Variants in GPATCH2 observed in about 807,000 individuals in gnomAD.
GPATCH2 encodes the protein G-patch domain containing 2.
GPATCH2 carries 51 observed loss-of-function variants against 58.0 expected under a neutral mutation model. The observed-to-expected ratio is 0.88, with a 90% confidence interval of 0.70 to 1.11. The LOEUF is 1.11. Among genes scored for constraint, GPATCH2 ranks in the 50% most tolerant of loss-of-function variants. GPATCH2 has a pLI of 0.00. For synonymous variants in GPATCH2, 222 were observed against 218.5 expected (o/e 1.02, Z -0.14); for missense variants, 625 against 652.2 (o/e 0.96, Z 0.45).
chr1:217,610,372 A>T lies in GPATCH2; in HGVS notation c.1047T>A (p.His349Gln). Residue 349 changes from histidine to glutamine, a missense_variant, in exon 5 of 10, where the codon CAT (histidine) becomes CAA (glutamine). By Grantham distance (24) the His-to-Gln change is conservative. Transcript: ENST00000366935. ...TTTTAATATTCTTTGAAGACATTCCATGAAGGCGACTGAGTCTAGCTTGGA... is the reference window on the plus strand; with the variant it reads ...TTTTAATATTCTTTGAAGACATTCCTTGAAGGCGACTGAGTCTAGCTTGGA... ...RGFQARLSRL[H>Q]GMSSKNIKKS... The T allele has an allele frequency of 6.2e-7, 1 of 1,605,492 alleles. No individual in the cohort carries two copies. The highest frequency in any genetic ancestry group is 8.5e-7 in the Non-Finnish European group (1 of 1,172,786).
intron 8 of GPATCH2, among the ~76,000 whole-genome samples, chr1:217,476,116 CAAT>C (rs1305059331): frequency 2.0e-5 from 3 of 151,790 alleles, no homozygotes; most frequent in African/African-American, 7.3e-5. Flanking sequence ...AGAAACAAAA[CAAT>C]GATAACCAGA....
chr1:217,460,388 T>A (rs1177259732), intron 8 of GPATCH2, among the ~76,000 whole-genome samples: 1 of 152,242 alleles, frequency 6.6e-6, no homozygotes, highest in Non-Finnish European at 1.5e-5. Flanking sequence ...GGAAATACAT[T>A]TTTTAATTGA....
intron 5 of GPATCH2, among the ~76,000 whole-genome samples, chr1:217,531,399 C>G (rs547636398): frequency 6.6e-6 from 1 of 152,280 alleles, no homozygotes; most frequent in South Asian, 2.1e-4. Context: ...TTACAATAGT[C>G]ATAAAAATTC....
chr1:217,596,166 CACTT>C (rs112198232), intron 5 of GPATCH2, among the ~76,000 whole-genome samples: 5,225 of 152,098 alleles, frequency 0.034, 286 homozygotes, highest in African/African-American at 0.12. Flanking sequence ...AAATAAAACA[CACTT>C]ACAGTTCAAA....
rs1263420742 is a variant in GPATCH2 at position 217,427,330 on chromosome 1, T to C, written c.*3815A>G. 6.6e-6 allele frequency: 1 copy of C among 152,152 alleles called. No individual in the cohort carries two copies. Among genetic ancestry groups the C allele is most frequent in the African/African-American group, 2.4e-5 (1 of 41,448 alleles). The allele number at this position is 152,152 out of a possible 1,614,324, so 9.4% of individuals were successfully genotyped here. A position where few individuals can be genotyped will look rare whatever the true frequency, so the allele number is the denominator to read the frequency against. ...AATCGGCTATGAATACATTTGTGAA[T>C]CAAATACATTTACCAATATTTTTCT... is the stretch of plus-strand genomic sequence containing the variant. On this transcript the variant is annotated 3_prime_UTR_variant, in exon 10 of 10. Coordinates refer to ENST00000366935, the MANE Select transcript of GPATCH2 (RefSeq NM_018040.5).
intron 6 of GPATCH2, among the ~76,000 whole-genome samples, chr1:217,504,562 T>C (rs1662460564): frequency 1.3e-5 from 2 of 152,150 alleles, no homozygotes; most frequent in Admixed American, 6.6e-5. Context: ...AAGTGTTAGT[T>C]GTGTGCTGGT....
At chr1:217,615,355 T>C (rs1668831673) in intron 2 of GPATCH2, among the ~76,000 whole-genome samples, 1 of 152,126 alleles carries the variant, frequency 6.6e-6, no homozygotes, top group Non-Finnish European at 1.5e-5. Context: ...CTAGCTTTCT[T>C]CCAAATTAAG....
rs1255013419 is a variant in GPATCH2 at position 217,620,275 on chromosome 1, G to C, written c.281C>G (p.Ser94Cys). ...TGHCLSEGSD[S>C]SLEEPSKDYR... ...GTCCTTGCTTGGTTCTTCTAAACTA[G>C]AATCAGAGCCTTCACTTAAGCAGTG... Residue 94 changes from serine to cysteine, a missense_variant, in exon 2 of 10, where the codon TCT becomes TGT. Physicochemically the swap from Ser to Cys is moderately radical, Grantham distance 112. Transcript: ENST00000366935. The C allele has an allele frequency of 6.2e-7, 1 of 1,613,740 alleles. No individual in the cohort carries two copies. Among genetic ancestry groups the C allele is most frequent in the Non-Finnish European group, 8.5e-7 (1 of 1,179,858 alleles).
At chr1:217,523,918 C>T (rs1308133395) in intron 5 of GPATCH2, among the ~76,000 whole-genome samples, 2 of 112,650 alleles carry the variant, frequency 1.8e-5, no homozygotes, top group Admixed American at 1.7e-4. Flanking sequence ...CCACACCTCC[C>T]TCCCGGACGG....
chr1:217,498,364 GCT>G lies in GPATCH2; in HGVS notation c.1196_1197del (p.Glu399AlafsTer2). On this transcript the variant is annotated frameshift_variant, in exon 7 of 10. Coordinates refer to ENST00000366935, the MANE Select transcript of GPATCH2 (RefSeq NM_018040.5). LOFTEE classifies it high-confidence loss of function. ...ATTACAATGGTCCTTACCTGGTCATGCTCTGTCCTAGCCCCAGGGCTAAACCA... is the reference window on the plus strand; with the variant it reads ...ATTACAATGGTCCTTACCTGGTCATGCTGTCCTAGCCCCAGGGCTAAACCA... ...DHWFSPGART[E>X]HDQHQLLRDN... 6.2e-7 allele frequency: 1 copy of G among 1,612,116 alleles called. No individual in the cohort carries two copies. Among genetic ancestry groups the G allele is most frequent in the Non-Finnish European group, 8.5e-7 (1 of 1,178,126 alleles).
At chr1:217,520,062 T>A (rs186531790) in intron 5 of GPATCH2, among the ~76,000 whole-genome samples, 27 of 152,302 alleles carry the variant, frequency 1.8e-4, no homozygotes, top group Admixed American at 1.6e-3. Flanking sequence ...TAGATTTCTA[T>A]TAAAGTAAAA....
At chr1:217,461,632 T>G (rs1234843442) in intron 8 of GPATCH2, among the ~76,000 whole-genome samples, 2 of 152,186 alleles carry the variant, frequency 1.3e-5, no homozygotes, top group Non-Finnish European at 2.9e-5. Context: ...TGGTTCCAAT[T>G]TCTTTAATAT....
chr1:217,539,522 T>A (rs1348048855), intron 5 of GPATCH2, among the ~76,000 whole-genome samples: 1 of 152,210 alleles, frequency 6.6e-6, no homozygotes, highest in Admixed American at 6.5e-5. Context: ...ATAAATTTGG[T>A]CTCAGCACTC....
chr1:217,612,088 G>A (rs1284733895), intron 3 of GPATCH2, among the ~76,000 whole-genome samples: 1 of 152,058 alleles, frequency 6.6e-6, no homozygotes, highest in African/African-American at 2.4e-5. Flanking sequence ...TCTGAGGCAG[G>A]AGGATCCCTT....
Position 217,428,074 on chromosome 1 carries a change from T to C in GPATCH2, c.*3071A>G, listed in dbSNP as rs1416196300. 2 of 152,174 alleles carry C rather than the reference T, an allele frequency of 1.3e-5. No individual in the cohort carries two copies. Among genetic ancestry groups the C allele is most frequent in the Admixed American group, 6.5e-5 (1 of 15,278 alleles). The allele number at this position is 152,174 out of a possible 1,614,324, so 9.4% of individuals were successfully genotyped here. On this transcript the variant is annotated 3_prime_UTR_variant, in exon 10 of 10. Coordinates refer to ENST00000366935, the MANE Select transcript of GPATCH2 (RefSeq NM_018040.5). ...ATAAAAGTAACCAAATTAAATAGTG[T>C]ATTCGGGGAGCAGAAAAGAAGGAAA...
At chr1:217,466,269 C>A (rs1405937287) in intron 8 of GPATCH2, among the ~76,000 whole-genome samples, 1 of 142,962 alleles carries the variant, frequency 7.0e-6, no homozygotes. Context: ...TGAACTAAAA[C>A]TAAATAAAAC....
At chr1:217,550,790 TA>T (rs762306667) in intron 5 of GPATCH2, among the ~76,000 whole-genome samples, 2 of 151,656 alleles carry the variant, frequency 1.3e-5, no homozygotes, top group Non-Finnish European at 2.9e-5. Context: ...AATGAACAAA[TA>T]TTTTCTCTAT....
At chr1:217,546,296 T>C (rs1182243875) in intron 5 of GPATCH2, among the ~76,000 whole-genome samples, 1 of 152,118 alleles carries the variant, frequency 6.6e-6, no homozygotes, top group Admixed American at 6.6e-5. Context: ...AAAAAAACTA[T>C]TGTTTAGGCA....
At chr1:217,608,381 A>G in intron 5 of GPATCH2, 1 of 984,658 alleles carries the variant, frequency 1.0e-6, no homozygotes, top group East Asian at 1.1e-4. Context: ...ATAAACACAC[A>G]TATATAGTAT....
Sources: allele counts gnomAD v4.1 joint callset (sites outside exome capture counted in the v4.1 genomes callset), GRCh38; gene constraint gnomAD v4.1.1; transcripts MANE v1.5; gene names NCBI Gene and HGNC (gene_info 2026-07-23, HGNC 2026-07-21).